The following SLC35F3 variants were observed in gnomAD, a reference collection of about 807,000 sequenced individuals.
SLC35F3 encodes putative thiamine transporter SLC35F3.
A neutral mutation model predicts 49.9 loss-of-function variants in SLC35F3; 25 were observed. The observed-to-expected ratio is 0.50, with a 90% CI of 0.37 to 0.70. The LOEUF is 0.70. Ranked by LOEUF, SLC35F3 falls within the 30% of genes least tolerant of loss-of-function variation. The pLI is 0.00. For missense variants in SLC35F3, 525 were observed against 639.8 expected (o/e 0.82, Z 1.94); for synonymous variants, 275 against 265.4 (o/e 1.04, Z -0.35).
intron 3 of SLC35F3, among the ~76,000 whole-genome samples, chr1:234,307,421 C>T (rs1440856467): frequency 1.3e-5 from 2 of 152,284 alleles, no homozygotes; most frequent in East Asian, 3.9e-4. Context: ...ATGCCTTTCT[C>T]TAAGGAGTTT....
At chr1:234,122,408 A>C (rs780592198) in intron 2 of SLC35F3, among the ~76,000 whole-genome samples, 3 of 152,352 alleles carry the variant, frequency 2.0e-5, no homozygotes, top group Admixed American at 6.5e-5. Context: ...CCAATATTTG[A>C]GTAATGATTC....
rs141855406 is a variant in SLC35F3, at chr1:234,216,341, G to A, written c.284-15076G>A. On this transcript the variant is annotated intron_variant, in intron 2 of 7. Coordinates refer to ENST00000366618, the MANE Select transcript of SLC35F3 (RefSeq NM_173508.4). ...AGCCCACCTTAGGCAGGACAGGTTC[G>A]AACTGCACTGGAAGTGGGGCAGGAC... 3.5e-4 allele frequency among the ~76,000 whole-genome samples: 53 copies of A among 152,292 alleles called. 1 individual carries two copies. Among genetic ancestry groups the A allele is most frequent in the Middle Eastern group, 3.4e-3 (1 of 292 alleles).
chr1:234,184,892 G>A (rs1018720301), intron 2 of SLC35F3, among the ~76,000 whole-genome samples: 1 of 152,112 alleles, frequency 6.6e-6, no homozygotes, highest in Non-Finnish European at 1.5e-5. Context: ...TAGAAATGCA[G>A]AATCTCAGGG....
At chr1:233,940,460 T>C (rs1454182440) in intron 2 of SLC35F3, among the ~76,000 whole-genome samples, 2 of 152,148 alleles carry the variant, frequency 1.3e-5, no homozygotes, top group Admixed American at 6.6e-5. Flanking sequence ...ATCTGCTCTT[T>C]CCTTAGTAGG....
rs1306119884 is a variant in SLC35F3, at chr1:234,073,043, A to G, written c.284-158374A>G. 2.6e-5 allele frequency among the ~76,000 whole-genome samples: 4 copies of G among 152,346 alleles called. No homozygotes were observed. In the East Asian group the frequency reaches 7.7e-4, roughly 29 times the overall value. ...TGATGGAGGTGGCTGCAGAGGCAGT[A>G]CAAAGTGATCCCATTGACTCATCTG... On this transcript the variant is annotated intron_variant, in intron 2 of 7. Coordinates refer to ENST00000366618, the MANE Select transcript of SLC35F3 (RefSeq NM_173508.4).
chr1:234,003,444 A>G (rs1159851895), intron 2 of SLC35F3, among the ~76,000 whole-genome samples: 1 of 152,200 alleles, frequency 6.6e-6, no homozygotes, highest in Non-Finnish European at 1.5e-5. Flanking sequence ...TCAGTAAATG[A>G]GATTGCCCCA....
chr1:234,265,545 C>T (rs1211224131), intron 3 of SLC35F3, among the ~76,000 whole-genome samples: 1 of 152,050 alleles, frequency 6.6e-6, no homozygotes, highest in Non-Finnish European at 1.5e-5. Flanking sequence ...TTTGACTGTA[C>T]TTCCAGAACA....
In SLC35F3 at chr1:234,178,461, G is replaced by GA. The variant is rs35770557; in HGVS notation, c.284-52942dup. Among the ~76,000 whole-genome samples, 503 of 140,998 alleles carry GA rather than the reference G, an allele frequency of 3.6e-3. 3 individuals carry two copies. The highest frequency in any genetic ancestry group is 0.012 in the South Asian group (53 of 4,280). 92.5% of individuals were successfully genotyped at this position (140,998 alleles called of 152,430 possible). ...CAGGAAGCTTCTACCCTCTCCTAAG[G>GA]AAAAAAAAAAAAAAGACTTTTTAGA... is the stretch of plus-strand genomic sequence containing the variant. On this transcript the variant is annotated intron_variant, in intron 2 of 7. Transcript: ENST00000366618.
At position 234,229,026 on chromosome 1, in the gene SLC35F3, A is replaced by G. The variant is rs538162946; in HGVS notation, c.284-2391A>G. 3.5e-4 allele frequency among the ~76,000 whole-genome samples: 53 copies of G among 152,290 alleles called. No individual in the cohort carries two copies. The South Asian group carries it at 7.1e-3, about 20-fold the overall frequency. On this transcript the variant is annotated intron_variant, in intron 2 of 7. Coordinates refer to ENST00000366618, the MANE Select transcript of SLC35F3 (RefSeq NM_173508.4). ...TGCAATGAATGGGGTTTGGTTGTCT[A>G]TTATTCTTTATGGGTATATTCCAGT...
chr1:234,277,712 A>G (rs1437742508), intron 3 of SLC35F3, among the ~76,000 whole-genome samples: 1 of 152,182 alleles, frequency 6.6e-6, no homozygotes, highest in Non-Finnish European at 1.5e-5. Context: ...TCTCATCATA[A>G]CCAAGTAGAA....
At chr1:234,037,403 GCCACCAGGCC>G (rs1386407100) in intron 2 of SLC35F3, among the ~76,000 whole-genome samples, 1 of 152,152 alleles carries the variant, frequency 6.6e-6, no homozygotes, top group Non-Finnish European at 1.5e-5. Flanking sequence ...CCAAACACCT[GCCACCAGGCC>G]CCACTTCCAA....
At chr1:234,116,227 A>G (rs1430065885) in intron 2 of SLC35F3, among the ~76,000 whole-genome samples, 2 of 152,150 alleles carry the variant, frequency 1.3e-5, no homozygotes, top group Admixed American at 6.5e-5. Context: ...AGGGAAAGCA[A>G]TTCCTTCCAA....
At chr1:234,005,526 G>A (rs1261401160) in intron 2 of SLC35F3, among the ~76,000 whole-genome samples, 2 of 152,146 alleles carry the variant, frequency 1.3e-5, no homozygotes, top group East Asian at 1.9e-4. Context: ...TGCTGCTGAC[G>A]ACAAATAGAT....
intron 2 of SLC35F3, among the ~76,000 whole-genome samples, chr1:233,974,333 C>T (rs977878734): frequency 1.3e-5 from 2 of 151,672 alleles, no homozygotes; most frequent in Non-Finnish European, 2.9e-5. Context: ...TACAGGTGCC[C>T]ACCACCACCC....
rs976838368 is a variant in SLC35F3 at position 234,231,341 on chromosome 1, G to T, written c.284-76G>T. 1.4e-5 allele frequency: 18 copies of T among 1,252,626 alleles called. No individual in the cohort carries two copies. The African/African-American group carries it at 2.6e-4, about 18-fold the overall frequency. The allele number at this position is 1,252,626 out of a possible 1,614,324, so 77.6% of individuals were successfully genotyped here. On this transcript the variant is annotated intron_variant, in intron 2 of 7. Transcript: ENST00000366618. The surrounding 1 kb of genome is among the most constrained non-coding windows in gnomAD (Gnocchi z 5.4). ...CCCCAGGTAGCTGGTGGTGACAATGGCTGCAGGGCAGCGCCCTGCGAAGTG... is the reference window on the plus strand; with the variant it reads ...CCCCAGGTAGCTGGTGGTGACAATGTCTGCAGGGCAGCGCCCTGCGAAGTG...
At chr1:234,181,940 AT>A (rs1287360719) in intron 2 of SLC35F3, among the ~76,000 whole-genome samples, 1 of 152,170 alleles carries the variant, frequency 6.6e-6, no homozygotes, top group Non-Finnish European at 1.5e-5. Flanking sequence ...CAGTAGTTAT[AT>A]TCTATCATCT....
At chr1:234,000,301 A>T (rs1327158552) in intron 2 of SLC35F3, among the ~76,000 whole-genome samples, 1 of 152,238 alleles carries the variant, frequency 6.6e-6, no homozygotes, top group East Asian at 1.9e-4. Context: ...GATGGAATTT[A>T]ACTCCTTGCC....
chr1:234,171,957 C>G (rs1374414210), intron 2 of SLC35F3, among the ~76,000 whole-genome samples: 2 of 152,100 alleles, frequency 1.3e-5, no homozygotes, highest in East Asian at 1.9e-4. Context: ...CCCTCACCCC[C>G]CACCGCCCTA....
chr1:234,189,199 A>G (rs1666694113), intron 2 of SLC35F3, among the ~76,000 whole-genome samples: 2 of 152,180 alleles, frequency 1.3e-5, no homozygotes, highest in African/African-American at 4.8e-5. Flanking sequence ...CTCACCAGCA[A>G]CAAATCCAAA....
Sources: allele counts gnomAD v4.1 joint callset (sites outside exome capture counted in the v4.1 genomes callset), GRCh38; gene constraint gnomAD v4.1.1; non-coding constraint Gnocchi (gnomAD v3.1); transcripts MANE v1.5; gene names NCBI Gene and HGNC (gene_info 2026-07-23, HGNC 2026-07-21).